Variants in MYO3A observed in about 807,000 individuals in gnomAD.
MYO3A encodes the protein myosin IIIA.
In MYO3A, 180 loss-of-function variants were observed where a neutral mutation model predicts 192.7. The observed-to-expected ratio is 0.93, with a 90% CI of 0.83 to 1.06. MYO3A has a LOEUF of 1.06. Ranked by LOEUF, MYO3A falls within the 50% of genes least tolerant of loss-of-function variation. The pLI is 0.00. For missense variants in MYO3A, 1,896 were observed against 1,905.0 expected, an observed-to-expected ratio of 1.00 and a Z score of 0.09; for synonymous variants, 628 against 645.3, an observed-to-expected ratio of 0.97 and a Z score of 0.41.
chr10:26,019,764 A>G (rs1842206236), intron 7 of MYO3A, among the ~76,000 whole-genome samples: 1 of 152,240 alleles, frequency 6.6e-6, no homozygotes, highest in South Asian at 2.1e-4. Flanking sequence ...CATTGTATGT[A>G]TAGACCACAT....
At chr10:26,111,221 G>A (rs1216287011) in intron 17 of MYO3A, among the ~76,000 whole-genome samples, 2 of 152,052 alleles carry the variant, frequency 1.3e-5, no homozygotes, top group Non-Finnish European at 2.9e-5. Flanking sequence ...AACTCTGGAA[G>A]AGGAACTCCC....
intron 17 of MYO3A, among the ~76,000 whole-genome samples, chr10:26,116,026 C>A (rs1838482169): frequency 1.3e-5 from 2 of 152,092 alleles, no homozygotes; most frequent in South Asian, 4.2e-4. Context: ...CACATATTAA[C>A]AGTTTTAGAT....
rs1187184956 is a variant in MYO3A, at chr10:26,034,928, T to C, written c.953+8396T>C. On this transcript the variant is annotated intron_variant, in intron 10 of 34. Coordinates refer to ENST00000642920, the MANE Select transcript of MYO3A (RefSeq NM_017433.5). ...TTTTGTGTTTTTTTTACATGAAGCG[T>C]GTGTGTGTGTGTGTGTGCGCACACA... 6.0e-5 allele frequency among the ~76,000 whole-genome samples: 9 copies of C among 149,446 alleles called. No homozygotes were observed. In the East Asian group the frequency reaches 1.6e-3, roughly 26 times the overall value.
chr10:26,104,308 A>G (rs1588962710), intron 17 of MYO3A, among the ~76,000 whole-genome samples: 1 of 152,102 alleles, frequency 6.6e-6, no homozygotes, highest in East Asian at 1.9e-4. Context: ...TTCTTCTTAT[A>G]GTTGTATAGT....
chr10:26,192,847 G>A (rs1843216713), intron 31 of MYO3A, among the ~76,000 whole-genome samples: 1 of 151,842 alleles, frequency 6.6e-6, no homozygotes, highest in African/African-American at 2.4e-5. Flanking sequence ...GTAGAGACAG[G>A]GTTTCATCAG....
Position 26,081,137 on chromosome 10 carries a change from C to CG in MYO3A, c.1360-7066_1360-7065insG, listed in dbSNP as rs1463873621. On this transcript the variant is annotated intron_variant, in intron 14 of 34. Coordinates refer to ENST00000642920, the MANE Select transcript of MYO3A (RefSeq NM_017433.5). The stretch of plus-strand genomic sequence containing the variant: ...ATTCCCAAGATTATATGCCCTTCCC[C>CG]CCCCCCCCGCCCCCGCTACCAGGGT... Among the ~76,000 whole-genome samples, 2 of 104,844 alleles carry CG rather than the reference C, an allele frequency of 1.9e-5. 1 individual carries two copies. Among genetic ancestry groups the CG allele is most frequent in the Non-Finnish European group, 4.9e-5 (2 of 40,690 alleles). 68.8% of individuals were successfully genotyped at this position (104,844 alleles called of 152,430 possible). A position where few individuals can be genotyped will look rare whatever the true frequency, so the allele number is the denominator to read the frequency against.
At chr10:26,131,515 C>A (rs1484257463) in intron 20 of MYO3A, among the ~76,000 whole-genome samples, 1 of 152,190 alleles carries the variant, frequency 6.6e-6, no homozygotes, top group Non-Finnish European at 1.5e-5. Context: ...CCTCCTTTCT[C>A]TTATAGCCTG....
chr10:26,157,639 A>G, intron 26 of MYO3A, 124 bp downstream of exon 26: 1 of 1,019,960 alleles, frequency 9.8e-7, no homozygotes, highest in Non-Finnish European at 1.5e-6. Context: ...TGTTCATGCA[A>G]ATGATTATGT....
chr10:26,068,743 G>T, intron 11 of MYO3A, 25 bp from the exon 12 acceptor site: 2 of 1,412,514 alleles, frequency 1.4e-6, no homozygotes, highest in South Asian at 2.3e-5. Flanking sequence ...TTTTAAGAAG[G>T]AGAAATTATT....
In MYO3A at chr10:26,147,512, A is replaced by C. The variant is rs770781381; in HGVS notation, c.2588A>C (p.Asp863Ala). 5.3e-5 allele frequency: 86 copies of C among 1,613,878 alleles called. No individual in the cohort carries two copies. Among genetic ancestry groups the C allele is most frequent in the Non-Finnish European group, 7.1e-5 (84 of 1,179,918 alleles). The change falls in exon 23 of 35, where the codon GAC becomes GCC. Residue 863 changes from aspartate to alanine, a missense_variant. Physicochemically the swap from Asp to Ala is moderately radical, Grantham distance 126. Coordinates refer to ENST00000642920, the MANE Select transcript of MYO3A (RefSeq NM_017433.5). ...TDIVLLLRSS[D>A]NSVIRQLVNH... ...ATTGTGCTACTTTTGAGGTCATCCGACAACAGTGTAATTAGGCAACTAGTC... is the reference window on the plus strand; with the variant it reads ...ATTGTGCTACTTTTGAGGTCATCCGCCAACAGTGTAATTAGGCAACTAGTC...
chr10:26,005,899 G>A (rs16926523), intron 6 of MYO3A, among the ~76,000 whole-genome samples: 5,362 of 151,948 alleles, frequency 0.035, 307 homozygotes, highest in African/African-American at 0.12. Flanking sequence ...TTGAGGAGGC[G>A]ACTTTTACCT....
At chr10:26,093,151 CTTAA>C (rs1398580839) in intron 15 of MYO3A, among the ~76,000 whole-genome samples, 10 of 152,222 alleles carry the variant, frequency 6.6e-5, no homozygotes, top group African/African-American at 2.4e-4. Context: ...ATTGTTAACA[CTTAA>C]TTGATACAAT....
intron 14 of MYO3A, among the ~76,000 whole-genome samples, chr10:26,081,203 G>A (rs1188209550): frequency 2.0e-5 from 3 of 148,054 alleles, no homozygotes; most frequent in Non-Finnish European, 3.0e-5. Context: ...GGCCAGGTGT[G>A]TCTGAGTTCA....
chr10:25,995,206 TTTCTTTTTA>T (rs1485770245), intron 4 of MYO3A, among the ~76,000 whole-genome samples: 1 of 152,248 alleles, frequency 6.6e-6, no homozygotes, highest in African/African-American at 2.4e-5. Flanking sequence ...GCTTTGTTCA[TTTCTTTTTA>T]TTCTTTTTTC....
At chr10:26,051,313 T>G (rs1032268753) in intron 10 of MYO3A, among the ~76,000 whole-genome samples, 1 of 151,984 alleles carries the variant, frequency 6.6e-6, no homozygotes, top group Non-Finnish European at 1.5e-5. Context: ...GAATTTAATA[T>G]TTTTCTGAAA....
intron 32 of MYO3A, among the ~76,000 whole-genome samples, chr10:26,196,783 T>G (rs1473287744): frequency 6.6e-6 from 1 of 152,220 alleles, no homozygotes; most frequent in African/African-American, 2.4e-5. Flanking sequence ...TTTTTTAACT[T>G]TTTTTAATGT....
intron 27 of MYO3A, among the ~76,000 whole-genome samples, chr10:26,168,106 T>TG (rs1841853408): frequency 6.6e-6 from 1 of 152,192 alleles, no homozygotes; most frequent in Non-Finnish European, 1.5e-5. Flanking sequence ...TGGCAGCCTT[T>TG]GGGTCCAGTG....
At chr10:26,098,199 GCT>G (rs1193892422) in intron 17 of MYO3A, among the ~76,000 whole-genome samples, 12 of 152,158 alleles carry the variant, frequency 7.9e-5, no homozygotes, top group African/African-American at 2.9e-4. Context: ...GTGACTGCTG[GCT>G]GCATAAATGT....
At chr10:25,962,101 A>G (rs1837969937) in intron 4 of MYO3A, among the ~76,000 whole-genome samples, 1 of 152,192 alleles carries the variant, frequency 6.6e-6, no homozygotes, top group African/African-American at 2.4e-5. Flanking sequence ...TTCACAACGA[A>G]AAATCACTTT....
Sources: allele counts gnomAD v4.1 joint callset (sites outside exome capture counted in the v4.1 genomes callset), GRCh38; gene constraint gnomAD v4.1.1; transcripts MANE v1.5; gene names NCBI Gene and HGNC (gene_info 2026-07-23, HGNC 2026-07-21).